Variants in HOMER1 observed in about 807,000 individuals in gnomAD.
HOMER1 encodes homer scaffold protein 1.
In HOMER1, 3 loss-of-function variants were observed where a neutral mutation model predicts 48.9. The ratio of observed to expected loss-of-function variants is 0.06; its 90% CI spans 0.03 to 0.16. The LOEUF is 0.16. Ranked by LOEUF, HOMER1 falls within the 10% of genes least tolerant of loss-of-function variation. The pLI, the probability that HOMER1 is intolerant of heterozygous loss-of-function variation, is 1.00. For missense variants in HOMER1, 247 were observed against 411.4 expected, an observed-to-expected ratio of 0.60 and a Z score of 3.46; for synonymous variants, 134 against 146.4, an observed-to-expected ratio of 0.92 and a Z score of 0.61.
intron 5 of HOMER1, among the ~76,000 whole-genome samples, chr5:79,419,873 TCTTC>T (rs138773201): frequency 0.2 from 29,896 of 152,022 alleles, 4,121 homozygotes; most frequent in East Asian, 0.43. Context: ...CGGAAGTACC[TCTTC>T]CTTAAAATTT....
chr5:79,467,036 T>G (rs1279711295), intron 1 of HOMER1, among the ~76,000 whole-genome samples: 2 of 152,094 alleles, frequency 1.3e-5, no homozygotes, highest in East Asian at 3.9e-4. Context: ...GTGATCTGCC[T>G]GCCTCGGCCT....
intron 5 of HOMER1, among the ~76,000 whole-genome samples, chr5:79,403,820 G>A (rs998275851): frequency 1.1e-4 from 16 of 152,232 alleles, no homozygotes; most frequent in African/African-American, 3.6e-4. Flanking sequence ...TCTAAAATTA[G>A]TTTAAAATGA....
At chr5:79,423,902 G>A (rs1750172991) in intron 5 of HOMER1, among the ~76,000 whole-genome samples, 1 of 152,090 alleles carries the variant, frequency 6.6e-6, no homozygotes, top group Non-Finnish European at 1.5e-5. Context: ...TTTTGAGACA[G>A]AGATGATGGT....
intron 8 of HOMER1, among the ~76,000 whole-genome samples, chr5:79,382,833 CA>C (rs1375883757): frequency 1.3e-5 from 2 of 152,124 alleles, no homozygotes; most frequent in Non-Finnish European, 2.9e-5. Flanking sequence ...GAACAAAGAA[CA>C]AAACAACCAG....
chr5:79,463,715 T>C (rs1483693158), intron 1 of HOMER1, among the ~76,000 whole-genome samples: 1 of 152,198 alleles, frequency 6.6e-6, no homozygotes, highest in Admixed American at 6.5e-5. Context: ...ATTCACTTCA[T>C]AACACCACCC....
chr5:79,511,961 TTAATA>T (rs1752956011), intron 1 of HOMER1, among the ~76,000 whole-genome samples: 1 of 152,216 alleles, frequency 6.6e-6, no homozygotes, highest in Admixed American at 6.5e-5. Flanking sequence ...GATTGCTCCA[TTAATA>T]TATTATGGGT....
intron 5 of HOMER1, among the ~76,000 whole-genome samples, chr5:79,412,638 C>T (rs1299091815): frequency 6.6e-6 from 1 of 152,196 alleles, no homozygotes; most frequent in Non-Finnish European, 1.5e-5. Context: ...ACTGTTGAAC[C>T]TAACTAACTA....
chr5:79,386,066 A>C (rs1749102802), intron 8 of HOMER1, among the ~76,000 whole-genome samples: 1 of 151,968 alleles, frequency 6.6e-6, no homozygotes, highest in Non-Finnish European at 1.5e-5. Flanking sequence ...TTTTTTTTTA[A>C]AACTAAAAAT....
At chr5:79,382,267 C>T (rs1262616025) in intron 8 of HOMER1, among the ~76,000 whole-genome samples, 1 of 152,066 alleles carries the variant, frequency 6.6e-6, no homozygotes, top group Non-Finnish European at 1.5e-5. Flanking sequence ...GATGAAAACA[C>T]CCCAAATCTA....
At chr5:79,425,676 A>C (rs563522642) in intron 5 of HOMER1, among the ~76,000 whole-genome samples, 1 of 152,196 alleles carries the variant, frequency 6.6e-6, no homozygotes, top group Non-Finnish European at 1.5e-5. Context: ...AGATATAACT[A>C]CTAATAGTAG....
chr5:79,385,047 A>G (rs1283156056), intron 8 of HOMER1, among the ~76,000 whole-genome samples: 1 of 152,182 alleles, frequency 6.6e-6, no homozygotes, highest in African/African-American at 2.4e-5. Flanking sequence ...TGAATGAGGA[A>G]AAGCTTTTCC....
intron 5 of HOMER1, among the ~76,000 whole-genome samples, chr5:79,417,754 C>T (rs1029184708): frequency 4.6e-5 from 7 of 152,110 alleles, no homozygotes; most frequent in African/African-American, 1.7e-4. Context: ...ACAAAAATGC[C>T]ACTATTTCCT....
At chr5:79,379,573 C>T (rs1043084377) in intron 8 of HOMER1, among the ~76,000 whole-genome samples, 6 of 146,218 alleles carry the variant, frequency 4.1e-5, no homozygotes, top group African/African-American at 1.5e-4. Flanking sequence ...CACCTTTTGT[C>T]CATATTTTCC....
At chr5:79,422,824 TC>T in intron 5 of HOMER1, among the ~76,000 whole-genome samples, 2 of 148,240 alleles carry the variant, frequency 1.3e-5, no homozygotes, top group South Asian at 4.2e-4. Context: ...TAAAAGATGA[TC>T]TCTTTTTTTT....
intron 8 of HOMER1, among the ~76,000 whole-genome samples, chr5:79,379,335 T>A (rs1255336393): frequency 3.6e-5 from 4 of 110,522 alleles, no homozygotes; most frequent in African/African-American, 1.5e-4. Flanking sequence ...TTTATATATA[T>A]TTATATATTT....
rs139658611 is a variant in HOMER1, at chr5:79,390,175, C to T, written c.876+6648G>A. ...GTGGCACACACATGTAGTCCCAGCT[C>T]CTCGGGAGGCTGAGTAGGGAGAAAT... On this transcript the variant is annotated intron_variant, in intron 8 of 8. Transcript: ENST00000334082. Among the ~76,000 whole-genome samples, 514 of 151,986 alleles carry T rather than the reference C, an allele frequency of 3.4e-3. 2 individuals are homozygous for T. The highest frequency in any genetic ancestry group is 0.01 in the Middle Eastern group (3 of 294).
At chr5:79,453,361 G>T (rs4566766) in intron 2 of HOMER1, among the ~76,000 whole-genome samples, 1 of 151,952 alleles carries the variant, frequency 6.6e-6, no homozygotes, top group South Asian at 2.1e-4. Context: ...CAACGTGCTG[G>T]TAGTTGGTCA....
chr5:79,466,499 A>T (rs1373752560), intron 1 of HOMER1, among the ~76,000 whole-genome samples: 3 of 148,124 alleles, frequency 2.0e-5, no homozygotes, highest in African/African-American at 4.9e-5. Context: ...CCTGTCTCAA[A>T]AATAATAATA....
chr5:79,458,128 C>G (rs1475369875), intron 1 of HOMER1, among the ~76,000 whole-genome samples: 2 of 151,846 alleles, frequency 1.3e-5, no homozygotes, highest in African/African-American at 2.4e-5. Flanking sequence ...TACAAAGAAC[C>G]AAAACTAATA....
Sources: gnomAD v4.1 joint callset for allele counts (sites outside exome capture counted in the v4.1 genomes callset) on GRCh38, gnomAD v4.1.1 for gene constraint, MANE v1.5 for transcripts, NCBI Gene and HGNC (gene_info 2026-07-23, HGNC 2026-07-21) for gene names.